The following ITFG1 variants were observed in gnomAD, a reference collection of about 807,000 sequenced individuals.
ITFG1 encodes the protein T-cell immunomodulatory protein.
In ITFG1, 34 loss-of-function variants were observed where a neutral mutation model predicts 81.8. That is an observed-to-expected ratio of 0.42 (90% CI 0.32 to 0.55). ITFG1 has a LOEUF of 0.55. ITFG1 is among the 20% of genes least tolerant of loss of function. The pLI is 0.17. For synonymous variants in ITFG1, 285 were observed against 270.6 expected (o/e 1.05, Z -0.52); for missense variants, 672 against 755.4 (o/e 0.89, Z 1.29).
At chr16:47,388,575 C>A (rs1167598774) in intron 6 of ITFG1, among the ~76,000 whole-genome samples, 12 of 152,032 alleles carry the variant, frequency 7.9e-5, no homozygotes, top group African/African-American at 2.7e-4. Context: ...AAGAAAAAAG[C>A]TCCTGTCAAC....
At chr16:47,210,653 T>A (rs1025070589) in intron 14 of ITFG1, among the ~76,000 whole-genome samples, 5 of 152,212 alleles carry the variant, frequency 3.3e-5, no homozygotes, top group African/African-American at 1.2e-4. Flanking sequence ...GGTTTCATAT[T>A]TTACATTTAT....
chr16:47,372,556 C>T (rs368616634), intron 7 of ITFG1, among the ~76,000 whole-genome samples: 14 of 151,648 alleles, frequency 9.2e-5, no homozygotes, highest in Admixed American at 6.6e-5. Context: ...TGGGTTCAAG[C>T]GATTCTTCTG....
chr16:47,372,963 A>G (rs1968276911), intron 7 of ITFG1, among the ~76,000 whole-genome samples: 1 of 152,246 alleles, frequency 6.6e-6, no homozygotes, highest in Non-Finnish European at 1.5e-5. Flanking sequence ...CCTATCTGAT[A>G]TGCAGTGGCC....
intron 5 of ITFG1, chr16:47,448,921 C>T (rs1969354378): frequency 1.3e-5 from 2 of 152,104 alleles, no homozygotes; most frequent in Admixed American, 1.3e-4. Flanking sequence ...GACCATTTAA[C>T]ACACTTCAAT....
intron 10 of ITFG1, among the ~76,000 whole-genome samples, chr16:47,295,374 G>A (rs141284003): frequency 2.0e-5 from 3 of 152,110 alleles, no homozygotes; most frequent in African/African-American, 7.2e-5. Context: ...AACAGTTTCA[G>A]TAGAACTGGT....
At chr16:47,312,452 T>C (rs2151564905) in intron 9 of ITFG1, among the ~76,000 whole-genome samples, 1 of 152,238 alleles carries the variant, frequency 6.6e-6, no homozygotes, top group South Asian at 2.1e-4. Context: ...CCAAAGAAAG[T>C]ATAATTTACC....
chr16:47,311,150 T>C, intron 10 of ITFG1, 90 bp downstream of exon 10: 1 of 827,254 alleles, frequency 1.2e-6, no homozygotes, highest in South Asian at 2.1e-5. Context: ...TTATAACATA[T>C]TTAGGTACTA....
chr16:47,163,936 C>T (rs28532083), intron 14 of ITFG1, among the ~76,000 whole-genome samples: 2 of 147,910 alleles, frequency 1.4e-5, no homozygotes, highest in African/African-American at 5.3e-5. Flanking sequence ...CACACACACA[C>T]ACACACACAC....
At chr16:47,422,760 T>A (rs144979180) in intron 6 of ITFG1, among the ~76,000 whole-genome samples, 8 of 152,302 alleles carry the variant, frequency 5.3e-5, no homozygotes, top group Non-Finnish European at 1.0e-4. Flanking sequence ...TTTTTCTAGA[T>A]TTTCCAGTTT....
chr16:47,241,815 G>T (rs552761541), intron 12 of ITFG1, among the ~76,000 whole-genome samples: 3 of 152,094 alleles, frequency 2.0e-5, no homozygotes, highest in Non-Finnish European at 4.4e-5. Context: ...TTAGCTGGGC[G>T]TGGAGGCAGG....
intron 6 of ITFG1, among the ~76,000 whole-genome samples, chr16:47,413,134 G>A (rs1347138956): frequency 6.6e-6 from 1 of 152,144 alleles, no homozygotes; most frequent in East Asian, 1.9e-4. Flanking sequence ...CACATACAAA[G>A]GAAACCCCAT....
chr16:47,433,799 A>G (rs1969124392), intron 5 of ITFG1, among the ~76,000 whole-genome samples: 1 of 144,558 alleles, frequency 6.9e-6, no homozygotes. Flanking sequence ...ATATACACAC[A>G]CACACATACA....
rs111504046 is a variant in ITFG1, at chr16:47,237,735, T to A, written c.1374+230A>T. ...TGTCTTAAAATAATTGGAGGGGTGGTCATTCTGCTAAGGATATCAGAAAAG... is the reference window on the plus strand; with the variant it reads ...TGTCTTAAAATAATTGGAGGGGTGGACATTCTGCTAAGGATATCAGAAAAG... On this transcript the variant is annotated intron_variant, in intron 13 of 17. Coordinates refer to ENST00000320640, the MANE Select transcript of ITFG1 (RefSeq NM_030790.5). Among the ~76,000 whole-genome samples, 311 of 152,274 alleles carry A rather than the reference T, an allele frequency of 2.0e-3. 4 individuals carry two copies. The highest frequency in any genetic ancestry group is 7.1e-3 in the African/African-American group (296 of 41,566).
intron 10 of ITFG1, among the ~76,000 whole-genome samples, chr16:47,286,039 T>C (rs1215571147): frequency 1.3e-5 from 2 of 152,016 alleles, no homozygotes; most frequent in Non-Finnish European, 2.9e-5. Flanking sequence ...AGGAGCTCAG[T>C]ATAGGGAGAT....
At chr16:47,392,063 TG>T (rs1476003758) in intron 6 of ITFG1, among the ~76,000 whole-genome samples, 1 of 152,136 alleles carries the variant, frequency 6.6e-6, no homozygotes, top group Non-Finnish European at 1.5e-5. Flanking sequence ...GAAGTGTCCA[TG>T]TGGGAGGGGT....
intron 6 of ITFG1, among the ~76,000 whole-genome samples, chr16:47,386,750 C>A (rs1968468009): frequency 6.6e-6 from 1 of 152,240 alleles, no homozygotes; most frequent in African/African-American, 2.4e-5. Context: ...ACCTCTGGAG[C>A]CATGCTCAGG....
chr16:47,332,696 G>T (rs1172657267), intron 8 of ITFG1, among the ~76,000 whole-genome samples: 1 of 152,152 alleles, frequency 6.6e-6, no homozygotes, highest in African/African-American at 2.4e-5. Flanking sequence ...TAAGCCATTT[G>T]TCTGGGATCA....
intron 8 of ITFG1, among the ~76,000 whole-genome samples, chr16:47,358,096 T>C (rs908821107): frequency 5.3e-5 from 8 of 152,206 alleles, no homozygotes; most frequent in African/African-American, 9.7e-5. Context: ...TTATTATTTG[T>C]TTGAAAGAGT....
At chr16:47,434,503 C>T (rs1969140676) in intron 5 of ITFG1, among the ~76,000 whole-genome samples, 1 of 152,022 alleles carries the variant, frequency 6.6e-6, no homozygotes, top group African/African-American at 2.4e-5. Flanking sequence ...AATGAGATAC[C>T]ATCTCATGCC....
Sources: allele counts gnomAD v4.1 joint callset (sites outside exome capture counted in the v4.1 genomes callset), GRCh38; gene constraint gnomAD v4.1.1; transcripts MANE v1.5; gene names NCBI Gene and HGNC (gene_info 2026-07-23, HGNC 2026-07-21).